Variants in DOCK3 observed in about 807,000 individuals in gnomAD.
The protein encoded by DOCK3 is dedicator of cytokinesis 3, also known as dedicator of cytokinesis protein 3.
Under a neutral mutation model 265.6 loss-of-function variants are expected in DOCK3, and 60 were observed. That is an observed-to-expected ratio of 0.23 (90% CI 0.18 to 0.28). DOCK3 has a LOEUF of 0.28. Ranked by LOEUF, DOCK3 falls within the 10% of genes least tolerant of loss-of-function variation. The probability of loss-of-function intolerance (pLI) is 1.00; values close to 1 mark genes in which losing one functional copy is unlikely to be tolerated. For missense variants in DOCK3, 1,981 were observed against 2,594.3 expected (o/e 0.76, Z 5.14); for synonymous variants, 881 against 938.0 (o/e 0.94, Z 1.11).
At chr3:51,319,983 A>G (rs761338412) in intron 32 of DOCK3, among the ~76,000 whole-genome samples, 3 of 152,170 alleles carry the variant, frequency 2.0e-5, no homozygotes, top group Non-Finnish European at 4.4e-5. Context: ...TTTCTTCTCA[A>G]TACATAGGCT....
intron 9 of DOCK3, among the ~76,000 whole-genome samples, chr3:51,103,636 A>G (rs186276697): frequency 5.9e-5 from 9 of 152,318 alleles, no homozygotes; most frequent in Admixed American, 5.9e-4. Flanking sequence ...AGTGCCTACA[A>G]TGTGCCAGGT....
intron 23 of DOCK3, among the ~76,000 whole-genome samples, chr3:51,267,908 A>G (rs1428733367): frequency 3.3e-5 from 5 of 152,102 alleles, no homozygotes; most frequent in South Asian, 2.1e-4. Context: ...ACCAAACACC[A>G]CATGTTCTCA....
At chr3:50,681,098 C>G (rs1317869814) in intron 1 of DOCK3, among the ~76,000 whole-genome samples, 6 of 151,976 alleles carry the variant, frequency 3.9e-5, no homozygotes, top group Admixed American at 6.6e-5. Context: ...AGTTTTGGGT[C>G]TTATGTTTAA....
At chr3:51,226,154 A>C (rs1227747583) in intron 15 of DOCK3, among the ~76,000 whole-genome samples, 1 of 152,178 alleles carries the variant, frequency 6.6e-6, no homozygotes, top group Non-Finnish European at 1.5e-5. Flanking sequence ...TTATATTTAC[A>C]CTTTGGTCAA....
Position 51,260,288 on chromosome 3 carries a change from C to T in DOCK3, c.2317C>T (p.Leu773=). 6.2e-7 allele frequency: 1 copy of T among 1,613,944 alleles called. No homozygotes were observed. Among genetic ancestry groups the T allele is most frequent in the South Asian group, 1.1e-5 (1 of 91,062 alleles). Reference sequence around the variant, plus strand: ...CCAGTCCATCCGGTTTGTGCTCAGTCTGGACAGCCGAAACTCAGAAACACT... The same window carrying T: ...CCAGTCCATCCGGTTTGTGCTCAGTTTGGACAGCCGAAACTCAGAAACACT... ...LFQSIRFVLS[L]DSRNSETLLF... The change falls in exon 23 of 53, where the codon CTG becomes TTG. Residue 773 remains leucine (L), a synonymous_variant. Transcript: ENST00000266037.
chr3:51,378,733 T>C (rs1179124885), intron 51 of DOCK3, among the ~76,000 whole-genome samples: 1 of 152,180 alleles, frequency 6.6e-6, no homozygotes, highest in African/African-American at 2.4e-5. Flanking sequence ...GGTCCAGCCA[T>C]CATTCCTCTC....
In DOCK3 at chr3:51,374,391, A is replaced by T; in HGVS notation, c.5294-78A>T. 7.4e-7 allele frequency: 1 copy of T among 1,346,472 alleles called. No individual in the cohort carries two copies. Among genetic ancestry groups the T allele is most frequent in the Non-Finnish European group, 1.0e-6 (1 of 958,546 alleles). 83.4% of individuals were successfully genotyped at this position (1,346,472 alleles called of 1,614,324 possible). ...TAAGGGACACCTACCCTGGTTCCCT[A>T]GTCCTGAGGATGCTTGACTGCTGGA... On this transcript the variant is annotated intron_variant, in intron 49 of 52. Coordinates refer to ENST00000266037, the MANE Select transcript of DOCK3 (RefSeq NM_004947.5). The surrounding 1 kb of genome is among the most constrained non-coding windows in gnomAD (Gnocchi z 4.8).
intron 2 of DOCK3, among the ~76,000 whole-genome samples, chr3:50,807,738 A>G (rs569350552): frequency 3.3e-5 from 5 of 152,294 alleles, no homozygotes; most frequent in African/African-American, 1.2e-4. Context: ...TGATGGCTAC[A>G]GTGTCAGTAT....
chr3:50,992,873 A>G (rs543707111), intron 5 of DOCK3, among the ~76,000 whole-genome samples: 1 of 152,294 alleles, frequency 6.6e-6, no homozygotes, highest in African/African-American at 2.4e-5. Flanking sequence ...AAGCTCCAAA[A>G]TTGAATCAGT....
At chr3:50,771,849 TCAAAAA>T (rs1236272788) in intron 1 of DOCK3, among the ~76,000 whole-genome samples, 1 of 152,030 alleles carries the variant, frequency 6.6e-6, no homozygotes. Context: ...AGACTCCATC[TCAAAAA>T]CAAAAACAAA....
Position 50,675,231 on chromosome 3 carries a change from C to A in DOCK3, c.-33C>A. The A allele has an allele frequency of 1.7e-6, 2 of 1,153,198 alleles. No homozygotes were observed. Among genetic ancestry groups the A allele is most frequent in the South Asian group, 4.0e-5 (1 of 25,072 alleles). 71.4% of individuals were successfully genotyped at this position (1,153,198 alleles called of 1,614,324 possible). A position where few individuals can be genotyped will look rare whatever the true frequency, so the allele number is the denominator to read the frequency against. ...CGTCCCCGCCGCGTTGTCGCCCGGTCGCCGCGCCCGCGGGGCCGCGCCCGG... is the reference window on the plus strand; with the variant it reads ...CGTCCCCGCCGCGTTGTCGCCCGGTAGCCGCGCCCGCGGGGCCGCGCCCGG... On this transcript the variant is annotated 5_prime_UTR_variant, in exon 1 of 53. Coordinates refer to ENST00000266037, the MANE Select transcript of DOCK3 (RefSeq NM_004947.5). This position sits in a 1 kb window ranked among gnomAD's most constrained non-coding sequence, Gnocchi z 6.1.
chr3:50,742,928 GT>G (rs1341943763), intron 1 of DOCK3, among the ~76,000 whole-genome samples: 1 of 152,192 alleles, frequency 6.6e-6, no homozygotes, highest in Non-Finnish European at 1.5e-5. Flanking sequence ...AGGAAAAAAT[GT>G]TAAGGGCAGC....
intron 27 of DOCK3, among the ~76,000 whole-genome samples, chr3:51,295,220 G>T (rs1452908135): frequency 7.2e-5 from 11 of 152,206 alleles, no homozygotes. Flanking sequence ...GTTTAAGATT[G>T]GGTCTCTGGC....
intron 22 of DOCK3, among the ~76,000 whole-genome samples, chr3:51,247,191 A>T (rs530272740): frequency 6.6e-6 from 1 of 152,204 alleles, no homozygotes; most frequent in African/African-American, 2.4e-5. Context: ...GTTACTAAGC[A>T]TAGATTTTTT....
chr3:51,022,833 T>TC (rs2079652902), intron 5 of DOCK3, among the ~76,000 whole-genome samples: 1 of 152,220 alleles, frequency 6.6e-6, no homozygotes, highest in Non-Finnish European at 1.5e-5. Context: ...TTTAAGTTTT[T>TC]AATCTACCTT....
At chr3:51,216,291 C>T (rs1380863996) in intron 14 of DOCK3, among the ~76,000 whole-genome samples, 2 of 152,118 alleles carry the variant, frequency 1.3e-5, no homozygotes, top group Non-Finnish European at 2.9e-5. Context: ...GGAAAGAAAT[C>T]TTTTTTAGGA....
chr3:50,737,114 AT>A (rs1409820954), intron 1 of DOCK3, among the ~76,000 whole-genome samples: 4 of 152,078 alleles, frequency 2.6e-5, no homozygotes, highest in Non-Finnish European at 5.9e-5. Flanking sequence ...CATTTGTCAG[AT>A]GAGTAGATTG....
intron 7 of DOCK3, 88 bp from the exon 8 acceptor site, chr3:51,089,155 A>G (rs2082539118): frequency 1.5e-6 from 2 of 1,343,456 alleles, no homozygotes; most frequent in Non-Finnish European, 2.1e-6. Context: ...TATAAAAGGC[A>G]TAGCAGACTG....
intron 27 of DOCK3, among the ~76,000 whole-genome samples, chr3:51,288,328 G>A (rs2081525896): frequency 6.6e-6 from 1 of 151,470 alleles, no homozygotes; most frequent in South Asian, 2.1e-4. Context: ...GGAGGCAGAG[G>A]TTGCAGTGAG....
Sources: allele counts gnomAD v4.1 joint callset (sites outside exome capture counted in the v4.1 genomes callset), GRCh38; gene constraint gnomAD v4.1.1; non-coding constraint Gnocchi (gnomAD v3.1); transcripts MANE v1.5; gene names NCBI Gene and HGNC (gene_info 2026-07-23, HGNC 2026-07-21).